Variants in KCNN2 observed in about 807,000 individuals in gnomAD.
KCNN2 encodes the protein potassium calcium-activated channel subfamily N member 2.
In KCNN2, 24 loss-of-function variants were observed where a neutral mutation model predicts 55.5. That is an observed-to-expected ratio of 0.43 (90% CI 0.31 to 0.61). The LOEUF is 0.61. Ranked by LOEUF, KCNN2 falls within the 20% of genes least tolerant of loss-of-function variation. The pLI is 0.08. For missense variants in KCNN2, 754 were observed against 853.6 expected, an observed-to-expected ratio of 0.88 and a Z score of 1.45; for synonymous variants, 431 against 336.1, an observed-to-expected ratio of 1.28 and a Z score of -3.09.
At chr5:114,243,741 T>G (rs1296591311) in intron 2 of KCNN2, among the ~76,000 whole-genome samples, 5 of 152,136 alleles carry the variant, frequency 3.3e-5, no homozygotes, top group African/African-American at 9.7e-5. Context: ...ATATACAAGG[T>G]TTGGTATGTG....
At chr5:114,328,879 A>G (rs890544882) in intron 2 of KCNN2, among the ~76,000 whole-genome samples, 28 of 152,192 alleles carry the variant, frequency 1.8e-4, no homozygotes, top group Admixed American at 5.2e-4. Context: ...GCCAAAAGAC[A>G]ATTACGAAAG....
At chr5:114,295,506 G>A (rs1033553051) in intron 2 of KCNN2, among the ~76,000 whole-genome samples, 9 of 152,204 alleles carry the variant, frequency 5.9e-5, no homozygotes, top group African/African-American at 2.2e-4. Flanking sequence ...TCCGAGCCAT[G>A]TGCGGGATAT....
At chr5:114,346,970 G>C (rs181188008) in intron 2 of KCNN2, among the ~76,000 whole-genome samples, 17 of 152,112 alleles carry the variant, frequency 1.1e-4, no homozygotes, top group Non-Finnish European at 2.2e-4. Context: ...AATCATTTGA[G>C]AACAAAATAA....
chr5:114,079,620 C>T (rs942621286), intron 1 of KCNN2, among the ~76,000 whole-genome samples: 2 of 152,032 alleles, frequency 1.3e-5, no homozygotes, highest in African/African-American at 4.8e-5. Flanking sequence ...TTTTTTAATA[C>T]AGTAGAACGT....
chr5:114,385,415 G>A (rs1758246629), intron 2 of KCNN2, among the ~76,000 whole-genome samples: 1 of 152,006 alleles, frequency 6.6e-6, no homozygotes, highest in Admixed American at 6.6e-5. Flanking sequence ...TGTGCCCTGT[G>A]AAAGAAAAGC....
intron 1 of KCNN2, among the ~76,000 whole-genome samples, chr5:114,093,263 T>G (rs1751186909): frequency 6.6e-6 from 1 of 152,168 alleles, no homozygotes; most frequent in African/African-American, 2.4e-5. Flanking sequence ...CAGTTCCCAA[T>G]GAGTTCCTCA....
chr5:114,067,358 C>A (rs2931495), intron 1 of KCNN2, among the ~76,000 whole-genome samples: 52,546 of 152,018 alleles, frequency 0.35, 10,083 homozygotes, highest in African/African-American at 0.51. Flanking sequence ...CAGACTGGCT[C>A]AGTTGAAACT....
chr5:114,399,361 G>A (rs1275578054), intron 2 of KCNN2, among the ~76,000 whole-genome samples: 1 of 152,102 alleles, frequency 6.6e-6, no homozygotes, highest in Non-Finnish European at 1.5e-5. Context: ...ATGATCATGT[G>A]ATTTCTGTTT....
chr5:114,097,578 C>T (rs1751285303), intron 1 of KCNN2, among the ~76,000 whole-genome samples: 2 of 152,164 alleles, frequency 1.3e-5, no homozygotes, highest in Admixed American at 1.3e-4. Context: ...CCACTTCCTG[C>T]CCAGTCCTGC....
chr5:114,298,051 G>A (rs928284841), intron 2 of KCNN2, among the ~76,000 whole-genome samples: 1 of 152,174 alleles, frequency 6.6e-6, no homozygotes, highest in Non-Finnish European at 1.5e-5. Flanking sequence ...AAAATTAGGA[G>A]TTAGTGTATG....
chr5:114,118,417 C>T (rs942988036), intron 1 of KCNN2, among the ~76,000 whole-genome samples: 1 of 152,060 alleles, frequency 6.6e-6, no homozygotes, highest in South Asian at 2.1e-4. Flanking sequence ...GTTGGAGACC[C>T]GGGAAAGCCA....
intron 2 of KCNN2, among the ~76,000 whole-genome samples, chr5:114,284,816 C>A (rs1755702054): frequency 6.6e-6 from 1 of 151,962 alleles, no homozygotes; most frequent in Non-Finnish European, 1.5e-5. Flanking sequence ...CCGCGCCTAG[C>A]CGATCATCTC....
chr5:114,259,559 T>G (rs114031188), intron 2 of KCNN2, among the ~76,000 whole-genome samples: 4,455 of 152,194 alleles, frequency 0.029, 221 homozygotes, highest in African/African-American at 0.1. Context: ...ACATGGCACA[T>G]GTATACATAT....
chr5:114,317,162 G>A (rs761996784), intron 2 of KCNN2, among the ~76,000 whole-genome samples: 1 of 151,198 alleles, frequency 6.6e-6, no homozygotes, highest in Non-Finnish European at 1.5e-5. Context: ...GGCCCCTTGA[G>A]ATCTTGGAAA....
intron 1 of KCNN2, among the ~76,000 whole-genome samples, chr5:114,129,386 G>T (rs1164283001): frequency 1.3e-5 from 2 of 151,920 alleles, no homozygotes; most frequent in East Asian, 1.9e-4. Flanking sequence ...TTCCAATATG[G>T]TCATATTTCC....
chr5:114,103,179 A>G (rs1467820065), intron 1 of KCNN2, among the ~76,000 whole-genome samples: 1 of 151,804 alleles, frequency 6.6e-6, no homozygotes, highest in Non-Finnish European at 1.5e-5. Context: ...ATTCCTAGGT[A>G]TTTTACTTTC....
At chr5:114,257,861 T>G (rs540286192) in intron 2 of KCNN2, among the ~76,000 whole-genome samples, 1 of 152,338 alleles carries the variant, frequency 6.6e-6, no homozygotes, top group African/African-American at 2.4e-5. Context: ...TTGCTCTGGC[T>G]AGAACTTCTA....
intron 3 of KCNN2, among the ~76,000 whole-genome samples, chr5:114,441,930 A>C (rs922599272): frequency 6.6e-6 from 1 of 152,230 alleles, no homozygotes; most frequent in African/African-American, 2.4e-5. Flanking sequence ...CCAAAAATGC[A>C]TGTTTTAAAA....
intron 1 of KCNN2, among the ~76,000 whole-genome samples, chr5:114,195,622 A>C (rs1753539932): frequency 6.6e-6 from 1 of 151,926 alleles, no homozygotes. Flanking sequence ...TATGTCACCT[A>C]TGAAGAGAGA....
Sources: allele counts gnomAD v4.1 joint callset (sites outside exome capture counted in the v4.1 genomes callset), GRCh38; gene constraint gnomAD v4.1.1; transcripts MANE v1.5; gene names NCBI Gene and HGNC (gene_info 2026-07-23, HGNC 2026-07-21).